Variants in MAMDC2 observed in about 807,000 individuals in gnomAD.
MAMDC2 encodes the protein MAM domain containing 2.
Under a neutral mutation model 89.8 loss-of-function variants are expected in MAMDC2, and 57 were observed. That is an observed-to-expected ratio of 0.63 (90% CI 0.51 to 0.79). The LOEUF is 0.79. Ranked by LOEUF, MAMDC2 falls within the 30% of genes least tolerant of loss-of-function variation. The probability of loss-of-function intolerance (pLI) is 0.00; values close to 1 mark genes in which losing one functional copy is unlikely to be tolerated. For synonymous variants in MAMDC2, 313 were observed against 293.4 expected, an observed-to-expected ratio of 1.07 and a Z score of -0.68; for missense variants, 800 against 820.6, an observed-to-expected ratio of 0.97 and a Z score of 0.31.
chr9:70,181,841 T>G (rs1563989925), intron 11 of MAMDC2, among the ~76,000 whole-genome samples: 1 of 152,096 alleles, frequency 6.6e-6, no homozygotes, highest in Non-Finnish European at 1.5e-5. Context: ...TTTGAGTACC[T>G]TTTATTTCTT....
intron 11 of MAMDC2, among the ~76,000 whole-genome samples, chr9:70,218,052 C>A (rs2033482262): frequency 6.6e-6 from 1 of 152,162 alleles, no homozygotes; most frequent in African/African-American, 2.4e-5. Context: ...AATATAAATT[C>A]TGATGTGTTA....
At chr9:70,055,609 T>C (rs1011775969) in intron 2 of MAMDC2, among the ~76,000 whole-genome samples, 4 of 152,182 alleles carry the variant, frequency 2.6e-5, no homozygotes, top group Non-Finnish European at 5.9e-5. Context: ...TTCCCTGAGT[T>C]CTAGGCCCCA....
chr9:70,130,560 G>A, intron 6 of MAMDC2, among the ~76,000 whole-genome samples: 1 of 152,150 alleles, frequency 6.6e-6, no homozygotes, highest in East Asian at 1.9e-4. Context: ...TGAGCTCACA[G>A]TTAAAGTTGC....
intron 2 of MAMDC2, among the ~76,000 whole-genome samples, chr9:70,105,366 C>T (rs2975878): frequency 0.064 from 9,700 of 152,074 alleles, 990 homozygotes; most frequent in African/African-American, 0.21. Context: ...GCCTGGAAAA[C>T]GTAGTGATTA....
Position 70,044,032 on chromosome 9 carries a change from C to T in MAMDC2, c.-166C>T, listed in dbSNP as rs1413394600. The T allele has an allele frequency of 4.0e-6, 3 of 743,496 alleles. No homozygotes were observed. Among genetic ancestry groups the T allele is most frequent in the African/African-American group, 1.8e-5 (1 of 56,954 alleles). The allele number at this position is 743,496 out of a possible 1,614,324, so 46.1% of individuals were successfully genotyped here. On this transcript the variant is annotated 5_prime_UTR_variant, in exon 1 of 14. Coordinates refer to ENST00000377182, the MANE Select transcript of MAMDC2 (RefSeq NM_153267.5). Reference sequence around the variant, plus strand: ...CAGCATACCGCTCGGCTCCGGGAGCCGCTCTGCAAAGTTGGGCAGCTCAGA... The same window carrying T: ...CAGCATACCGCTCGGCTCCGGGAGCTGCTCTGCAAAGTTGGGCAGCTCAGA...
chr9:70,159,799 C>T (rs967799100), intron 9 of MAMDC2, among the ~76,000 whole-genome samples: 5 of 152,178 alleles, frequency 3.3e-5, no homozygotes, highest in African/African-American at 1.2e-4. Flanking sequence ...TTTGTCAGGG[C>T]AGTGTTTGAC....
At position 70,043,974 on chromosome 9, in the gene MAMDC2, C is replaced by A. The variant is rs1184146914; in HGVS notation, c.-224C>A. ...CTGACCTGAGGCTGCTGCTCAGCGC[C>A]GGGGCGCTGGCGCTCTCCATTCGAG... On this transcript the variant is annotated 5_prime_UTR_variant, in exon 1 of 14. Coordinates refer to ENST00000377182, the MANE Select transcript of MAMDC2 (RefSeq NM_153267.5). 6 of 606,408 alleles carry A rather than the reference C, an allele frequency of 9.9e-6. No individual in the cohort carries two copies. Among genetic ancestry groups the A allele is most frequent in the African/African-American group, 5.6e-5 (3 of 54,022 alleles). 37.6% of individuals were successfully genotyped at this position (606,408 alleles called of 1,614,324 possible).
At chr9:70,114,558 G>C (rs942140221) in intron 5 of MAMDC2, among the ~76,000 whole-genome samples, 4 of 151,984 alleles carry the variant, frequency 2.6e-5, no homozygotes, top group African/African-American at 9.7e-5. Flanking sequence ...ATACATTCAG[G>C]CTTCTTAGAA....
chr9:70,169,730 A>G (rs935818279), intron 10 of MAMDC2: 3 of 152,242 alleles, frequency 2.0e-5, no homozygotes, highest in African/African-American at 4.8e-5. Context: ...AAAGTCCCCA[A>G]TAAATTGGGA....
At chr9:70,140,383 G>A in intron 8 of MAMDC2, 95 bp downstream of exon 8, 1 of 1,333,564 alleles carries the variant, frequency 7.5e-7, no homozygotes. Flanking sequence ...TCGACTTAAA[G>A]AAAAAAGGCA....
At chr9:70,176,195 G>C (rs1477871463) in intron 11 of MAMDC2, among the ~76,000 whole-genome samples, 1 of 152,168 alleles carries the variant, frequency 6.6e-6, no homozygotes, top group Non-Finnish European at 1.5e-5. Flanking sequence ...TTGACTAGTA[G>C]ACCATGTCCT....
At chr9:70,178,691 T>C (rs562668526) in intron 11 of MAMDC2, among the ~76,000 whole-genome samples, 5 of 152,360 alleles carry the variant, frequency 3.3e-5, no homozygotes, top group Non-Finnish European at 7.3e-5. Flanking sequence ...TAGGATCTTG[T>C]TCTATTCCAT....
chr9:70,095,886 C>T (rs1587465588), intron 2 of MAMDC2, among the ~76,000 whole-genome samples: 1 of 152,244 alleles, frequency 6.6e-6, no homozygotes, highest in African/African-American at 2.4e-5. Context: ...AACCCAGCTC[C>T]TGCTATTTTT....
intron 11 of MAMDC2, among the ~76,000 whole-genome samples, chr9:70,218,023 A>G (rs1359631067): frequency 1.3e-5 from 2 of 152,198 alleles, no homozygotes; most frequent in East Asian, 1.9e-4. Flanking sequence ...AAGCTTTAGG[A>G]TATTGTCCAT....
intron 11 of MAMDC2, among the ~76,000 whole-genome samples, chr9:70,180,368 G>C (rs766615160): frequency 3.3e-5 from 5 of 151,960 alleles, no homozygotes; most frequent in Non-Finnish European, 5.9e-5. Context: ...TAATCCTTTG[G>C]GTATATACCC....
At chr9:70,108,053 A>G (rs2975885) in intron 2 of MAMDC2, among the ~76,000 whole-genome samples, 158 bp from the exon 3 acceptor site, 9,705 of 152,234 alleles carry the variant, frequency 0.064, 991 homozygotes, top group African/African-American at 0.21. Context: ...TAATTTTTTC[A>G]AAAGAGGCCA....
intron 9 of MAMDC2, among the ~76,000 whole-genome samples, chr9:70,156,573 G>C (rs77911013): frequency 0.01 from 1,525 of 152,276 alleles, 31 homozygotes; most frequent in South Asian, 0.07. Context: ...GAGCAAAGTA[G>C]AAATAGAAAG....
intron 11 of MAMDC2, among the ~76,000 whole-genome samples, chr9:70,178,026 T>C (rs2032551941): frequency 6.6e-6 from 1 of 152,180 alleles, no homozygotes; most frequent in African/African-American, 2.4e-5. Flanking sequence ...CCCAGGGCTG[T>C]AGGCCACACA....
intron 2 of MAMDC2, among the ~76,000 whole-genome samples, chr9:70,094,605 T>A (rs1359495364): frequency 6.6e-6 from 1 of 152,180 alleles, no homozygotes; most frequent in African/African-American, 2.4e-5. Flanking sequence ...TGAAACCTAA[T>A]AGGAGATTTC....
Sources: allele counts gnomAD v4.1 joint callset (sites outside exome capture counted in the v4.1 genomes callset), GRCh38; gene constraint gnomAD v4.1.1; transcripts MANE v1.5; gene names NCBI Gene and HGNC (gene_info 2026-07-23, HGNC 2026-07-21).